The following ABHD17B variants were observed in gnomAD, a reference collection of about 807,000 sequenced individuals.
ABHD17B encodes the protein abhydrolase domain containing 17B, depalmitoylase, also known as alpha/beta hydrolase domain-containing protein 17B.
ABHD17B carries 9 observed loss-of-function variants against 26.2 expected under a neutral mutation model. That is an observed-to-expected ratio of 0.34 (90% confidence interval 0.21 to 0.60). The LOEUF (loss-of-function observed/expected upper bound fraction) is 0.60, where lower values mean the gene tolerates loss of function less well. ABHD17B is among the 20% of genes least tolerant of loss of function. The probability of loss-of-function intolerance (pLI) is 0.80; values close to 1 mark genes in which losing one functional copy is unlikely to be tolerated. For missense variants in ABHD17B, 224 were observed against 352.1 expected, an observed-to-expected ratio of 0.64 and a Z score of 2.91; for synonymous variants, 127 against 122.3, an observed-to-expected ratio of 1.04 and a Z score of -0.25.
intron 1 of ABHD17B, among the ~76,000 whole-genome samples, chr9:71,884,168 T>G (rs977032906): frequency 6.6e-6 from 1 of 151,880 alleles, no homozygotes; most frequent in African/African-American, 2.4e-5. Flanking sequence ...ACATCAAAAC[T>G]AAAAGAAAAA....
intron 1 of ABHD17B, among the ~76,000 whole-genome samples, chr9:71,880,451 G>GT (rs1343915066): frequency 6.6e-6 from 1 of 151,862 alleles, no homozygotes; most frequent in East Asian, 1.9e-4. Flanking sequence ...TTAAACCAAA[G>GT]TAATTCACAT....
intron 1 of ABHD17B, among the ~76,000 whole-genome samples, chr9:71,904,416 A>G (rs1827225184): frequency 6.6e-6 from 1 of 152,224 alleles, no homozygotes; most frequent in Non-Finnish European, 1.5e-5. Flanking sequence ...CTAGGAAAAC[A>G]AAGAAGTTTG....
chr9:71,866,504 T>C lies in ABHD17B; in HGVS notation c.*283A>G. The C allele has an allele frequency of 4.5e-6, 5 of 1,120,392 alleles. No individual in the cohort carries two copies. The highest frequency in any genetic ancestry group is 5.5e-6 in the Non-Finnish European group (5 of 914,688). 69.4% of individuals were successfully genotyped at this position (1,120,392 alleles called of 1,614,324 possible). A position where few individuals can be genotyped will look rare whatever the true frequency, so the allele number is the denominator to read the frequency against. ...AGCATTTGGCAATACTTTTACAGCA[T>C]TTGATTTTATAGAATTAAAATCTCA... is the stretch of plus-strand genomic sequence containing the variant. On this transcript the variant is annotated 3_prime_UTR_variant, in exon 4 of 4. Coordinates refer to ENST00000333421, the MANE Select transcript of ABHD17B (RefSeq NM_001025780.3).
At chr9:71,868,932 A>G (rs1036887471) in intron 3 of ABHD17B, among the ~76,000 whole-genome samples, 2 of 151,904 alleles carry the variant, frequency 1.3e-5, no homozygotes, top group Non-Finnish European at 2.9e-5. Context: ...CAAGTGATCC[A>G]CCCGCCACGG....
intron 2 of ABHD17B, 54 bp from the exon 3 acceptor site, chr9:71,870,316 A>C: frequency 6.9e-7 from 1 of 1,439,044 alleles, no homozygotes; most frequent in East Asian, 2.3e-5. Context: ...GTGATATGAA[A>C]TGTTCCATCA....
chr9:71,877,074 C>T (rs11999173), intron 1 of ABHD17B, among the ~76,000 whole-genome samples: 4 of 152,160 alleles, frequency 2.6e-5, no homozygotes, highest in Non-Finnish European at 5.9e-5. Context: ...AAGGCATACA[C>T]AGGGCTTAGC....
At chr9:71,870,961 T>C (rs1826094485) in intron 2 of ABHD17B, among the ~76,000 whole-genome samples, 1 of 152,204 alleles carries the variant, frequency 6.6e-6, no homozygotes, top group South Asian at 2.1e-4. Context: ...TTTAAATAGA[T>C]GAAAACTCAT....
chr9:71,869,710 T>TC (rs1210875554), intron 3 of ABHD17B, among the ~76,000 whole-genome samples: 1 of 152,192 alleles, frequency 6.6e-6, no homozygotes, highest in Non-Finnish European at 1.5e-5. Context: ...GATGGCCCTA[T>TC]CCATTAGCAC....
At chr9:71,881,698 A>T (rs1193019883) in intron 1 of ABHD17B, among the ~76,000 whole-genome samples, 1 of 152,162 alleles carries the variant, frequency 6.6e-6, no homozygotes, top group African/African-American at 2.4e-5. Flanking sequence ...CCATCCTGCT[A>T]ACATGGTGAA....
At chr9:71,902,233 A>T (rs1827165193) in intron 1 of ABHD17B, among the ~76,000 whole-genome samples, 2 of 152,188 alleles carry the variant, frequency 1.3e-5, no homozygotes, top group Non-Finnish European at 2.9e-5. Flanking sequence ...ATTAATTTAG[A>T]TAATCTCTTT....
At chr9:71,896,016 C>T (rs1826941414) in intron 1 of ABHD17B, among the ~76,000 whole-genome samples, 1 of 152,150 alleles carries the variant, frequency 6.6e-6, no homozygotes, top group African/African-American at 2.4e-5. Flanking sequence ...TCATTTTAAG[C>T]TTCTCAGGCT....
intron 3 of ABHD17B, among the ~76,000 whole-genome samples, chr9:71,868,797 TCATG>T (rs1261435351): frequency 6.6e-6 from 1 of 152,218 alleles, no homozygotes; most frequent in Non-Finnish European, 1.5e-5. Flanking sequence ...CAAGGGATTC[TCATG>T]CCTCAGCCTC....
At chr9:71,910,374 C>A (rs1449686872) in intron 1 of ABHD17B, among the ~76,000 whole-genome samples, 1 of 152,148 alleles carries the variant, frequency 6.6e-6, no homozygotes, top group Non-Finnish European at 1.5e-5. Context: ...TCCGGCCGCT[C>A]CACGGACCGC....
intron 1 of ABHD17B, among the ~76,000 whole-genome samples, chr9:71,875,978 G>A (rs1826263775): frequency 1.3e-5 from 2 of 152,196 alleles, no homozygotes; most frequent in South Asian, 4.2e-4. Context: ...TATGTTACTG[G>A]GCTACACTGC....
At chr9:71,889,977 C>T (rs951522703) in intron 1 of ABHD17B, among the ~76,000 whole-genome samples, 2 of 151,782 alleles carry the variant, frequency 1.3e-5, no homozygotes, top group Non-Finnish European at 2.9e-5. Context: ...AAAGACTGAG[C>T]GGGCTGGGCA....
At chr9:71,872,764 A>C (rs1826150287) in intron 2 of ABHD17B, among the ~76,000 whole-genome samples, 1 of 152,092 alleles carries the variant, frequency 6.6e-6, no homozygotes, top group South Asian at 2.1e-4. Flanking sequence ...GATGGAACTG[A>C]TATCAATATA....
downstream of ABHD17B, among the ~76,000 whole-genome samples, chr9:71,864,862 T>C (rs1825911557): frequency 6.6e-6 from 1 of 152,202 alleles, no homozygotes; most frequent in African/African-American, 2.4e-5. Context: ...GCATGATTTA[T>C]ACATTCAGTA....
chr9:71,904,678 T>C (rs1827233386), intron 1 of ABHD17B, among the ~76,000 whole-genome samples: 1 of 152,026 alleles, frequency 6.6e-6, no homozygotes, highest in Admixed American at 6.6e-5. Context: ...AGATGAAACA[T>C]AAGAATCAGA....
At chr9:71,870,044 G>A (rs756762322) in intron 3 of ABHD17B, 39 bp downstream of exon 3, 1 of 1,546,682 alleles carries the variant, frequency 6.5e-7, no homozygotes, top group Non-Finnish European at 8.7e-7. Flanking sequence ...AAATTCCCAA[G>A]TTTCTTGGAA....
Sources: gnomAD v4.1 joint callset for allele counts (sites outside exome capture counted in the v4.1 genomes callset) on GRCh38, gnomAD v4.1.1 for gene constraint, MANE v1.5 for transcripts, NCBI Gene and HGNC (gene_info 2026-07-23, HGNC 2026-07-21) for gene names.